Variants in PHLPP2 observed in about 807,000 individuals in gnomAD.
The protein encoded by PHLPP2 is PH domain and leucine rich repeat protein phosphatase 2.
Under a neutral mutation model 124.9 loss-of-function variants are expected in PHLPP2, and 66 were observed. The observed-to-expected ratio is 0.53, with a 90% confidence interval of 0.43 to 0.65. The LOEUF (loss-of-function observed/expected upper bound fraction) is 0.65, where lower values mean the gene tolerates loss of function less well. PHLPP2 is among the 30% of genes least tolerant of loss of function. The probability of loss-of-function intolerance (pLI) is 0.00; values close to 1 mark genes in which losing one functional copy is unlikely to be tolerated. For missense variants in PHLPP2, 1,685 were observed against 1,600.4 expected (o/e 1.05, Z -0.90); for synonymous variants, 681 against 624.7 (o/e 1.09, Z -1.34).
intron 1 of PHLPP2, among the ~76,000 whole-genome samples, chr16:71,720,642 A>C (rs1189373652): frequency 6.7e-6 from 1 of 149,744 alleles, no homozygotes; most frequent in Non-Finnish European, 1.5e-5. Context: ...AGGCAGGCGG[A>C]TCACCTGAGG....
chr16:71,655,054 C>T lies in PHLPP2; in HGVS notation c.2585+186G>A, dbSNP rs1343327967. On this transcript the variant is annotated intron_variant, in intron 17 of 18. Coordinates refer to ENST00000568954, the MANE Select transcript of PHLPP2 (RefSeq NM_015020.3). The stretch of plus-strand genomic sequence containing the variant: ...TTCAACAGAGAAAACAGATGACCCC[C>T]ACAGGCTTTTGAAAGAGCCGAAGTC... The T allele has an allele frequency of 1.5e-5, 8 of 542,178 alleles. No homozygotes were observed. In the African/African-American group the frequency reaches 1.5e-4, roughly 10 times the overall value. 33.6% of individuals were successfully genotyped at this position (542,178 alleles called of 1,614,324 possible).
intron 1 of PHLPP2, among the ~76,000 whole-genome samples, chr16:71,721,815 T>A (rs2045400425): frequency 6.6e-6 from 1 of 152,122 alleles, no homozygotes; most frequent in African/African-American, 2.4e-5. Context: ...TTTACAAACC[T>A]ATGGTCCAGC....
At chr16:71,703,706 C>T (rs750556336) in intron 2 of PHLPP2, among the ~76,000 whole-genome samples, 2 of 152,172 alleles carry the variant, frequency 1.3e-5, no homozygotes, top group African/African-American at 2.4e-5. Flanking sequence ...AGTATATTTA[C>T]TCTCACTGTT....
chr16:71,695,924 G>A (rs1407098080), intron 3 of PHLPP2, among the ~76,000 whole-genome samples: 1 of 152,046 alleles, frequency 6.6e-6, no homozygotes, highest in Non-Finnish European at 1.5e-5. Flanking sequence ...CAAATTGATG[G>A]TGGTTATCTA....
At position 71,714,514 on chromosome 16, in the gene PHLPP2, G is replaced by A; in HGVS notation, c.282C>T (p.Val94=). Residue 94 remains valine (V), a splice_region_variant and synonymous_variant, in exon 2 of 19, where the codon GTC becomes GTT. Transcript: ENST00000568954. ...SLYLQLHGDL[V]RRLEPTERPL... Reference sequence around the variant, plus strand: ...GAGTGGTAAAACTGAGACCTCACCTGACCAGGTCTCCATGAAGCTGTAAAT... The same window carrying A: ...GAGTGGTAAAACTGAGACCTCACCTAACCAGGTCTCCATGAAGCTGTAAAT... 3 of 1,604,634 alleles carry A rather than the reference G, an allele frequency of 1.9e-6. No individual in the cohort carries two copies. The highest frequency in any genetic ancestry group is 2.6e-6 in the Non-Finnish European group (3 of 1,174,088).
Position 71,702,725 on chromosome 16 carries a change from C to T in PHLPP2, c.291G>A (p.Leu97=). Residue 97 remains leucine (L), a synonymous_variant, in exon 3 of 19, where the codon CTG becomes CTA. Coordinates refer to ENST00000568954, the MANE Select transcript of PHLPP2 (RefSeq NM_015020.3). ...TCTGAAGAGGTCGTTCAGTAGGTTC[C>T]AGTCTCCTGATTACACAATTCAAAA... ...LQLHGDLVRR[L]EPTERPLQIV... The T allele has an allele frequency of 6.2e-7, 1 of 1,601,352 alleles. No individual in the cohort carries two copies. The highest frequency in any genetic ancestry group is 8.5e-7 in the Non-Finnish European group (1 of 1,171,522).
Position 71,654,204 on chromosome 16 carries a change from GAAAAAAAAAAA to G in PHLPP2, c.2585+1025_2585+1035del, listed in dbSNP as rs765826548. Among the ~76,000 whole-genome samples the G allele has an allele frequency of 8.5e-3, 616 of 72,358 alleles. 11 individuals are homozygous for G. Among genetic ancestry groups the G allele is most frequent in the African/African-American group, 0.036 (592 of 16,434 alleles). The allele number at this position is 72,358 out of a possible 152,430, so 47.5% of individuals were successfully genotyped here. On this transcript the variant is annotated intron_variant, in intron 17 of 18. Transcript: ENST00000568954. ...AGCAAGAAGACTCCGTCTCAAAAAA[GAAAAAAAAAAA>G]AAAAAAAAAAAAACTAGTTCAAGCT... is the stretch of plus-strand genomic sequence containing the variant.
intron 12 of PHLPP2, among the ~76,000 whole-genome samples, chr16:71,664,579 T>C (rs2044822212): frequency 6.6e-6 from 1 of 151,864 alleles, no homozygotes; most frequent in African/African-American, 2.4e-5. Flanking sequence ...AAACCCCGTC[T>C]CTACTAAAAA....
intron 11 of PHLPP2, among the ~76,000 whole-genome samples, chr16:71,668,236 C>T (rs2044856404): frequency 6.6e-6 from 1 of 150,948 alleles, no homozygotes; most frequent in Non-Finnish European, 1.5e-5. Context: ...ACGGTGAAAC[C>T]CCGTTCTCTA....
chr16:71,709,438 A>C (rs1020969250), intron 2 of PHLPP2, among the ~76,000 whole-genome samples: 2 of 152,220 alleles, frequency 1.3e-5, no homozygotes, highest in African/African-American at 4.8e-5. Context: ...TTAATGAAAA[A>C]ATAAAAATTA....
At chr16:71,719,614 GAAAA>G (rs879541276) in intron 1 of PHLPP2, among the ~76,000 whole-genome samples, 15 of 135,246 alleles carry the variant, frequency 1.1e-4, no homozygotes, top group African/African-American at 4.1e-4. Flanking sequence ...AACTATTCTT[GAAAA>G]AAAAAAAAGA....
chr16:71,700,409 A>G (rs968982972), intron 3 of PHLPP2, among the ~76,000 whole-genome samples: 1 of 152,014 alleles, frequency 6.6e-6, no homozygotes, highest in Admixed American at 6.6e-5. Flanking sequence ...TGTCTCAAAA[A>G]AAATAAAAAA....
Position 71,658,764 on chromosome 16 carries a change from C to G in PHLPP2, c.2037G>C (p.Lys679Asn), listed in dbSNP as rs536324202. 6.2e-7 allele frequency: 1 copy of G among 1,614,144 alleles called. No individual in the cohort carries two copies. The highest frequency in any genetic ancestry group is 8.5e-7 in the Non-Finnish European group (1 of 1,180,006). Residue 679 changes from lysine to asparagine, a missense_variant, in exon 14 of 19, where the codon AAG becomes AAC. Transcript: ENST00000568954. ...QLEELNLSGN[K>N]LKTIPTTIAN... ...CTATGGTTGTGGGAATGGTTTTAAG[C>G]TTGTTGCCACTTAGGTTCAGTTCCT...
intron 1 of PHLPP2, among the ~76,000 whole-genome samples, chr16:71,717,916 C>T (rs1047743203): frequency 2.6e-5 from 4 of 152,228 alleles, no homozygotes; most frequent in South Asian, 2.1e-4. Flanking sequence ...TTTTGAGACA[C>T]GATCTCGCTC....
rs1294110313 is a variant in PHLPP2 at position 71,701,300 on chromosome 16, CTATCTATCTATCTATA to C, written c.418+1282_418+1297del. ...TCTATCTATCTATCTATCTATCTAT[CTATCTATCTATCTATA>C]TATCTATCTACCTACCTACCTACCT... is the stretch of plus-strand genomic sequence containing the variant. On this transcript the variant is annotated intron_variant, in intron 3 of 18. Coordinates refer to ENST00000568954, the MANE Select transcript of PHLPP2 (RefSeq NM_015020.3). Among the ~76,000 whole-genome samples, 509 of 85,074 alleles carry C rather than the reference CTATCTATCTATCTATA, an allele frequency of 6.0e-3. 2 individuals carry two copies. Among genetic ancestry groups the C allele is most frequent in the African/African-American group, 0.017 (363 of 21,046 alleles). 55.8% of individuals were successfully genotyped at this position (85,074 alleles called of 152,430 possible).
chr16:71,681,961 A>G lies in PHLPP2; in HGVS notation c.736-56T>C, dbSNP rs1364502380. 2.3e-5 allele frequency: 30 copies of G among 1,291,856 alleles called. No individual in the cohort carries two copies. In the Admixed American group the frequency reaches 8.0e-4, roughly 34 times the overall value. The allele number at this position is 1,291,856 out of a possible 1,614,324, so 80.0% of individuals were successfully genotyped here. ...AGCTAGTACTGGATGTCTATCACCC[A>G]GCAAAGAATGGAATGGCATTTACAC... On this transcript the variant is annotated intron_variant, in intron 5 of 18. Transcript: ENST00000568954.
intron 3 of PHLPP2, among the ~76,000 whole-genome samples, chr16:71,691,922 CCT>C (rs1303315519): frequency 6.6e-6 from 1 of 151,696 alleles, no homozygotes; most frequent in East Asian, 1.9e-4. Context: ...ATAGTAAGAC[CCT>C]GTGTCTTAAA....
chr16:71,674,039 G>A (rs1298292204), intron 9 of PHLPP2, among the ~76,000 whole-genome samples: 1 of 151,180 alleles, frequency 6.6e-6, no homozygotes, highest in African/African-American at 2.4e-5. Context: ...CTATCATATA[G>A]CTTTTAACAA....
chr16:71,723,774 G>A (rs1462491103), intron 1 of PHLPP2: 1 of 1,338,738 alleles, frequency 7.5e-7, no homozygotes, highest in Non-Finnish European at 9.7e-7. Flanking sequence ...CTCACCTTCA[G>A]GACCCGGATC....
Sources: allele counts gnomAD v4.1 joint callset (sites outside exome capture counted in the v4.1 genomes callset), GRCh38; gene constraint gnomAD v4.1.1; transcripts MANE v1.5; gene names NCBI Gene and HGNC (gene_info 2026-07-23, HGNC 2026-07-21).